The following NALF1 variants were observed in gnomAD, a reference collection of about 807,000 sequenced individuals.
NALF1 encodes family with sequence similarity 155 member A.
A neutral mutation model predicts 48.4 loss-of-function variants in NALF1; 3 were observed. The ratio of observed to expected loss-of-function variants is 0.06; its 90% confidence interval spans 0.03 to 0.16. The LOEUF is 0.16. Ranked by LOEUF, NALF1 falls within the 10% of genes least tolerant of loss-of-function variation. The pLI is 1.00. For synonymous variants in NALF1, 262 were observed against 245.7 expected, an observed-to-expected ratio of 1.07 and a Z score of -0.62; for missense variants, 526 against 571.5, an observed-to-expected ratio of 0.92 and a Z score of 0.81.
intron 1 of NALF1, among the ~76,000 whole-genome samples, chr13:107,686,257 T>G (rs1881431198): frequency 6.6e-6 from 1 of 151,968 alleles, no homozygotes; most frequent in Non-Finnish European, 1.5e-5. Context: ...AGGCAGAGGG[T>G]AGGGAAGCGC....
chr13:107,504,028 C>T (rs962416901), intron 1 of NALF1, among the ~76,000 whole-genome samples: 55 of 150,938 alleles, frequency 3.6e-4, no homozygotes, highest in African/African-American at 1.2e-3. Context: ...CTGAGGCGGG[C>T]GGATCACTTG....
At chr13:107,645,301 G>A (rs1182202129) in intron 1 of NALF1, among the ~76,000 whole-genome samples, 5 of 152,114 alleles carry the variant, frequency 3.3e-5, no homozygotes, top group Admixed American at 1.3e-4. Context: ...GGATATAGAA[G>A]TATCAAAGTG....
chr13:107,401,197 C>T (rs1883800980), intron 1 of NALF1, among the ~76,000 whole-genome samples: 1 of 152,128 alleles, frequency 6.6e-6, no homozygotes, highest in Non-Finnish European at 1.5e-5. Flanking sequence ...TAGGTGAGTC[C>T]TCCCTTTGTC....
intron 1 of NALF1, among the ~76,000 whole-genome samples, chr13:107,763,015 T>C (rs970794158): frequency 1.3e-5 from 2 of 151,088 alleles, no homozygotes; most frequent in Non-Finnish European, 1.5e-5. Flanking sequence ...CTGCAAGGAA[T>C]AGCAATGCAC....
At chr13:107,861,208 T>C (rs1880559467) in intron 1 of NALF1, among the ~76,000 whole-genome samples, 1 of 152,174 alleles carries the variant, frequency 6.6e-6, no homozygotes, top group East Asian at 1.9e-4. Flanking sequence ...ATAGCTTTAC[T>C]AATGGTTAAA....
At chr13:107,664,953 G>A (rs374145518) in intron 1 of NALF1, among the ~76,000 whole-genome samples, 3 of 144,286 alleles carry the variant, frequency 2.1e-5, no homozygotes, top group East Asian at 2.0e-4. Context: ...AGAACAACAC[G>A]TAATAATGAT....
intron 1 of NALF1, among the ~76,000 whole-genome samples, chr13:107,569,240 C>T (rs1248693887): frequency 2.6e-5 from 4 of 151,890 alleles, no homozygotes; most frequent in African/African-American, 9.7e-5. Context: ...GAGGCCGAGG[C>T]GGGTGGATCA....
intron 1 of NALF1, among the ~76,000 whole-genome samples, chr13:107,449,497 C>T (rs927553434): frequency 2.0e-5 from 3 of 152,012 alleles, no homozygotes; most frequent in Non-Finnish European, 2.9e-5. Context: ...AAAAGTGAGG[C>T]GTTTCAAGCA....
At chr13:107,449,257 A>C (rs993818129) in intron 1 of NALF1, among the ~76,000 whole-genome samples, 3 of 152,026 alleles carry the variant, frequency 2.0e-5, no homozygotes, top group Non-Finnish European at 4.4e-5. Context: ...AAAAGAATAA[A>C]AAAAAAAGAA....
At chr13:107,472,345 CAAAT>C (rs1292003315) in intron 1 of NALF1, among the ~76,000 whole-genome samples, 6 of 152,100 alleles carry the variant, frequency 3.9e-5, no homozygotes, top group African/African-American at 1.4e-4. Context: ...AACAAACAAA[CAAAT>C]AAACTTCAGA....
intron 1 of NALF1, among the ~76,000 whole-genome samples, chr13:107,302,889 A>C (rs1881865133): frequency 6.6e-6 from 1 of 152,032 alleles, no homozygotes; most frequent in Admixed American, 6.6e-5. Flanking sequence ...CACACATTTT[A>C]AACATGTGAA....
intron 1 of NALF1, among the ~76,000 whole-genome samples, chr13:107,329,977 G>A (rs981694964): frequency 3.9e-5 from 6 of 152,132 alleles, no homozygotes; most frequent in Non-Finnish European, 1.5e-5. Flanking sequence ...TTGGGGAAGT[G>A]AGGTGTGCGA....
intron 1 of NALF1, among the ~76,000 whole-genome samples, chr13:107,604,297 C>A (rs1018895369): frequency 2.0e-5 from 3 of 152,090 alleles, no homozygotes; most frequent in Non-Finnish European, 4.4e-5. Flanking sequence ...GGCTTTTAAT[C>A]CAAATAATTA....
intron 1 of NALF1, among the ~76,000 whole-genome samples, chr13:107,289,398 C>T (rs1881570227): frequency 6.6e-6 from 1 of 152,182 alleles, no homozygotes; most frequent in Non-Finnish European, 1.5e-5. Flanking sequence ...AAAATAGATG[C>T]TCAATAAATA....
chr13:107,864,316 G>T (rs1051686429), intron 1 of NALF1, among the ~76,000 whole-genome samples: 3 of 152,172 alleles, frequency 2.0e-5, no homozygotes, highest in South Asian at 2.1e-4. Context: ...ATAAGGCAAG[G>T]TCAGTTTGAG....
intron 1 of NALF1, among the ~76,000 whole-genome samples, chr13:107,818,022 G>A (rs2138613530): frequency 6.6e-6 from 1 of 152,312 alleles, no homozygotes; most frequent in Admixed American, 6.5e-5. Flanking sequence ...AAACAGACAT[G>A]AAATAAAAGG....
chr13:107,629,927 G>A lies in NALF1; in HGVS notation c.915+235755C>T, dbSNP rs111875465. Among the ~76,000 whole-genome samples the A allele has an allele frequency of 4.4e-3, 666 of 151,832 alleles. 5 individuals carry two copies. The highest frequency in any genetic ancestry group is 0.014 in the African/African-American group (596 of 41,390). On this transcript the variant is annotated intron_variant, in intron 1 of 2. Transcript: ENST00000375915. The stretch of plus-strand genomic sequence containing the variant: ...TTACAGCTTCTGAACTAGTATCTTC[G>A]CATTCAAGATCTTCTCACTGTAATC...
intron 1 of NALF1, among the ~76,000 whole-genome samples, chr13:107,761,036 A>C (rs116656100): frequency 0.051 from 7,730 of 152,246 alleles, 295 homozygotes; most frequent in African/African-American, 0.1. Context: ...TCTTGTAGCC[A>C]AGAGTTAATG....
chr13:107,674,223 T>C (rs9520546), intron 1 of NALF1, among the ~76,000 whole-genome samples: 29,475 of 151,960 alleles, frequency 0.19, 3,505 homozygotes, highest in Middle Eastern at 0.33. Flanking sequence ...TGTCCTGCAT[T>C]GCAGTCCAGA....
Sources: allele counts gnomAD v4.1 joint callset (sites outside exome capture counted in the v4.1 genomes callset), GRCh38; gene constraint gnomAD v4.1.1; transcripts MANE v1.5; gene names NCBI Gene and HGNC (gene_info 2026-07-23, HGNC 2026-07-21).